The following TLN2 variants were observed in gnomAD, a reference collection of about 807,000 sequenced individuals.
TLN2 encodes the protein talin 2.
Under a neutral mutation model 294.7 loss-of-function variants are expected in TLN2, and 118 were observed. That is an observed-to-expected ratio of 0.40 (90% CI 0.34 to 0.47). TLN2 has a LOEUF of 0.47. Among genes scored for constraint, TLN2 ranks in the 20% least tolerant of loss-of-function variants. TLN2 has a pLI of 0.84. For missense variants in TLN2, 3,083 were observed against 3,282.2 expected, an observed-to-expected ratio of 0.94 and a Z score of 1.48; for synonymous variants, 1,431 against 1,304.5, an observed-to-expected ratio of 1.10 and a Z score of -2.09.
At chr15:62,788,810 A>C (rs371556585) in intron 45 of TLN2, among the ~76,000 whole-genome samples, 12 of 152,334 alleles carry the variant, frequency 7.9e-5, no homozygotes, top group African/African-American at 2.9e-4. Flanking sequence ...GTACACATTC[A>C]TATGGCACTT....
At chr15:62,651,313 C>G (rs2052561583) in intron 5 of TLN2, among the ~76,000 whole-genome samples, 1 of 152,074 alleles carries the variant, frequency 6.6e-6, no homozygotes, top group South Asian at 2.1e-4. Context: ...ATTTCACTAT[C>G]AAATTTTTAA....
chr15:62,656,218 G>A (rs1196592193), intron 8 of TLN2, 132 bp downstream of exon 8: 6 of 1,139,224 alleles, frequency 5.3e-6, no homozygotes, highest in African/African-American at 4.6e-5. Context: ...GGCGCTGCTC[G>A]TGGGTCCCCG....
intron 1 of TLN2, among the ~76,000 whole-genome samples, chr15:62,482,944 C>G (rs1316367994): frequency 1.3e-5 from 2 of 152,158 alleles, no homozygotes; most frequent in African/African-American, 4.8e-5. Context: ...TTGGTGTTGA[C>G]AGATGCTCAG....
intron 1 of TLN2, among the ~76,000 whole-genome samples, chr15:62,428,962 C>G (rs962096949): frequency 5.3e-5 from 8 of 152,086 alleles, no homozygotes; most frequent in Middle Eastern, 3.2e-3. Flanking sequence ...CTCACTGACT[C>G]AGAGCTTCTG....
intron 1 of TLN2, among the ~76,000 whole-genome samples, chr15:62,525,886 A>G (rs1294087423): frequency 2.0e-5 from 3 of 152,054 alleles, no homozygotes; most frequent in South Asian, 2.1e-4. Context: ...AGTCTGTCAG[A>G]GCTCTTGGCA....
At chr15:62,829,673 T>G (rs2068584563) in intron 54 of TLN2, 1 of 152,232 alleles carries the variant, frequency 6.6e-6, no homozygotes, top group African/African-American at 2.4e-5. Flanking sequence ...ACTGTTCTAA[T>G]TATTTTAAAA....
intron 32 of TLN2, among the ~76,000 whole-genome samples, chr15:62,747,541 T>A (rs1317166644): frequency 6.6e-6 from 1 of 152,126 alleles, no homozygotes; most frequent in African/African-American, 2.4e-5. Context: ...TTCCATGGGG[T>A]TATCTTGTTC....
At chr15:62,528,854 G>C (rs2040876164) in intron 1 of TLN2, among the ~76,000 whole-genome samples, 1 of 152,032 alleles carries the variant, frequency 6.6e-6, no homozygotes, top group Non-Finnish European at 1.5e-5. Context: ...TCTCTCAGCT[G>C]TGTGCTTGTT....
chr15:62,584,038 T>C (rs1246832416), intron 1 of TLN2, among the ~76,000 whole-genome samples: 1 of 152,256 alleles, frequency 6.6e-6, no homozygotes, highest in Non-Finnish European at 1.5e-5. Context: ...TGATCACTTA[T>C]ATGAATTGTG....
At chr15:62,622,114 A>C (rs1317286338) in intron 3 of TLN2, among the ~76,000 whole-genome samples, 3 of 152,102 alleles carry the variant, frequency 2.0e-5, no homozygotes, top group African/African-American at 7.2e-5. Context: ...AAAGGGAAAC[A>C]TTACCAGTTT....
chr15:62,727,271 T>C, intron 28 of TLN2, 82 bp downstream of exon 28: 1 of 1,258,326 alleles, frequency 7.9e-7, no homozygotes, highest in East Asian at 2.4e-5. Flanking sequence ...TTCATTCCTT[T>C]GACAATACAC....
intron 1 of TLN2, among the ~76,000 whole-genome samples, chr15:62,535,833 G>A (rs1476092080): frequency 3.9e-5 from 6 of 152,166 alleles, no homozygotes; most frequent in East Asian, 3.9e-4. Flanking sequence ...GATTACAGGC[G>A]TGAGCCACCG....
rs1050321137 is a variant in TLN2, at chr15:62,478,965, TG to T, written c.-238+88281del. ...GGCCAGGTATGTGTTGCAGTTCTTA[TG>T]TTTTAGGCAATGGCAGATGGGAAAC... On this transcript the variant is annotated intron_variant, in intron 1 of 58. Transcript: ENST00000636159. 5.9e-5 allele frequency among the ~76,000 whole-genome samples: 9 copies of T among 152,262 alleles called. No individual in the cohort carries two copies. The East Asian group carries it at 1.2e-3, about 20-fold the overall frequency.
chr15:62,427,977 C>T (rs1456791230), intron 1 of TLN2, among the ~76,000 whole-genome samples: 1 of 152,146 alleles, frequency 6.6e-6, no homozygotes, highest in East Asian at 1.9e-4. Flanking sequence ...ATATCTTCCT[C>T]ACTCTTCTTG....
chr15:62,442,686 C>G (rs914977751), intron 1 of TLN2, among the ~76,000 whole-genome samples: 4 of 151,832 alleles, frequency 2.6e-5, no homozygotes, highest in Non-Finnish European at 4.4e-5. Context: ...TTTTCTTTCT[C>G]TATATTTTAA....
chr15:62,557,188 C>T (rs1048364798), intron 1 of TLN2, among the ~76,000 whole-genome samples: 2 of 152,162 alleles, frequency 1.3e-5, no homozygotes, highest in Non-Finnish European at 2.9e-5. Context: ...AGGGTTCTCA[C>T]CAGTGGCAGT....
intron 37 of TLN2, among the ~76,000 whole-genome samples, chr15:62,760,961 G>A (rs79758349): frequency 0.037 from 5,579 of 152,134 alleles, 222 homozygotes; most frequent in African/African-American, 0.099. Context: ...TGCTCTCTCC[G>A]GTCTTATCTG....
chr15:62,565,414 C>A (rs1034222142), intron 1 of TLN2, among the ~76,000 whole-genome samples: 18 of 151,486 alleles, frequency 1.2e-4, no homozygotes. Context: ...ATCTATGACA[C>A]AAATTTAAGG....
At chr15:62,515,402 C>T (rs1039405439) in intron 1 of TLN2, among the ~76,000 whole-genome samples, 2 of 152,176 alleles carry the variant, frequency 1.3e-5, no homozygotes, top group African/African-American at 4.8e-5. Flanking sequence ...CAGACTTTGG[C>T]TACTCCAAAG....
Sources: gnomAD v4.1 joint callset for allele counts (sites outside exome capture counted in the v4.1 genomes callset) on GRCh38, gnomAD v4.1.1 for gene constraint, MANE v1.5 for transcripts, NCBI Gene and HGNC (gene_info 2026-07-23, HGNC 2026-07-21) for gene names.